Variants in MGAT4C observed in about 807,000 individuals in gnomAD.
MGAT4C encodes the protein MGAT4 family member C, also known as alpha-1,3-mannosyl-glycoprotein 4-beta-N-acetylglucosaminyltransferase C.
In MGAT4C, 19 loss-of-function variants were observed where a neutral mutation model predicts 40.1. The observed-to-expected ratio is 0.47, with a 90% CI of 0.33 to 0.70. MGAT4C has a LOEUF of 0.70. Among genes scored for constraint, MGAT4C ranks in the 30% least tolerant of loss-of-function variants. The pLI is 0.02. For missense variants in MGAT4C, 491 were observed against 563.2 expected (o/e 0.87, Z 1.30); for synonymous variants, 181 against 187.1 (o/e 0.97, Z 0.27).
At chr12:86,683,694 AACTC>A (rs1950022765) in intron 2 of MGAT4C, among the ~76,000 whole-genome samples, 1 of 152,134 alleles carries the variant, frequency 6.6e-6, no homozygotes, top group Non-Finnish European at 1.5e-5. Flanking sequence ...TTCTTTAGTT[AACTC>A]ACTCTCCCAA....
chr12:86,160,641 T>C (rs1885493136), intron 1 of MGAT4C, among the ~76,000 whole-genome samples: 1 of 152,038 alleles, frequency 6.6e-6, no homozygotes, highest in South Asian at 2.1e-4. Context: ...TAGTTTTCTG[T>C]CTCAATGATC....
chr12:86,713,114 AC>A (rs1950587672), intron 2 of MGAT4C, among the ~76,000 whole-genome samples: 6 of 152,114 alleles, frequency 3.9e-5, no homozygotes, highest in Non-Finnish European at 8.8e-5. Context: ...ACACACACAC[AC>A]ACACCATGCT....
chr12:86,101,022 T>A (rs1003883517), intron 1 of MGAT4C, among the ~76,000 whole-genome samples: 23 of 151,782 alleles, frequency 1.5e-4, no homozygotes, highest in Admixed American at 1.1e-3. Context: ...GTATTTTTCC[T>A]ATTTTTTTTC....
chr12:86,661,418 CA>C (rs1963976915), intron 2 of MGAT4C, among the ~76,000 whole-genome samples: 1 of 151,642 alleles, frequency 6.6e-6, no homozygotes, highest in African/African-American at 2.4e-5. Flanking sequence ...GTAAAAAAAT[CA>C]TCTTAATGTC....
intron 1 of MGAT4C, among the ~76,000 whole-genome samples, chr12:86,813,310 T>C (rs557357160): frequency 6.6e-6 from 1 of 152,176 alleles, no homozygotes; most frequent in Admixed American, 6.6e-5. Flanking sequence ...CAAGAATCTT[T>C]CCCTACACTG....
intron 1 of MGAT4C, among the ~76,000 whole-genome samples, chr12:86,074,537 G>T (rs1869285155): frequency 6.6e-6 from 1 of 152,094 alleles, no homozygotes; most frequent in South Asian, 2.1e-4. Flanking sequence ...ACTCTTCTAT[G>T]TCTCTTACAG....
chr12:86,436,754 T>C (rs545248509), intron 2 of MGAT4C, among the ~76,000 whole-genome samples: 9 of 151,880 alleles, frequency 5.9e-5, no homozygotes, highest in African/African-American at 1.9e-4. Context: ...GTGATTTCAA[T>C]TGGAGAATAG....
chr12:86,170,662 G>T (rs1289312599), intron 1 of MGAT4C, among the ~76,000 whole-genome samples: 1 of 152,028 alleles, frequency 6.6e-6, no homozygotes, highest in Non-Finnish European at 1.5e-5. Context: ...GTTTAATAAT[G>T]GTTATATAGG....
At position 86,109,864 on chromosome 12, in the gene MGAT4C, G is replaced by T. The variant is rs1298348674; in HGVS notation, c.-56-60141C>A. Among the ~76,000 whole-genome samples, 7 of 151,950 alleles carry T rather than the reference G, an allele frequency of 4.6e-5. No homozygotes were observed. The South Asian group carries it at 1.5e-3, about 32-fold the overall frequency. ...TTAATCCATTACAAGAGAACTGAGTGGTACTGAGGAAAGAGACAGGACCTC... is the reference window on the plus strand; with the variant it reads ...TTAATCCATTACAAGAGAACTGAGTTGTACTGAGGAAAGAGACAGGACCTC... On this transcript the variant is annotated intron_variant, in intron 1 of 4. Transcript: ENST00000611864.
chr12:86,267,068 T>C (rs79807854), intron 4 of MGAT4C, among the ~76,000 whole-genome samples: 2,948 of 152,246 alleles, frequency 0.019, 80 homozygotes, highest in African/African-American at 0.067. Flanking sequence ...AGTTTTGTTT[T>C]ATCTTTTGTA....
chr12:86,322,857 T>A (rs561949602), intron 4 of MGAT4C, among the ~76,000 whole-genome samples: 1 of 152,230 alleles, frequency 6.6e-6, no homozygotes, highest in East Asian at 1.9e-4. Flanking sequence ...AAATATCAGT[T>A]TTAAATTTAT....
rs1247998275 is a variant in MGAT4C at position 85,975,743 on chromosome 12, C to T, written c.*3546G>A. The T allele has an allele frequency of 6.6e-6, 1 of 150,748 alleles. No homozygotes were observed. The highest frequency in any genetic ancestry group is 1.5e-5 in the Non-Finnish European group (1 of 67,044). The allele number at this position is 150,748 out of a possible 1,614,324, so 9.3% of individuals were successfully genotyped here. On this transcript the variant is annotated 3_prime_UTR_variant, in exon 5 of 5. Coordinates refer to ENST00000611864, the MANE Select transcript of MGAT4C (RefSeq NM_001351288.2). Reference sequence around the variant, plus strand: ...AATTAATATTAAATCTTACAAGAAACCCCCCAAAATCAGTTGAATTTGTAC... The same window carrying T: ...AATTAATATTAAATCTTACAAGAAATCCCCCAAAATCAGTTGAATTTGTAC...
chr12:86,636,094 A>T (rs990880595), intron 2 of MGAT4C, among the ~76,000 whole-genome samples: 1 of 152,018 alleles, frequency 6.6e-6, no homozygotes, highest in African/African-American at 2.4e-5. Context: ...TAGGAGCAAT[A>T]GGCTAAACCA....
At chr12:86,259,750 C>A (rs2136093882), upstream of MGAT4C, among the ~76,000 whole-genome samples, 1 of 5,452 alleles carries the variant, frequency 1.8e-4, no homozygotes, top group Non-Finnish European at 3.0e-4. Context: ...ACTCTATAGA[C>A]ATCAATTTAA....
chr12:86,042,215 A>G (rs2136941604), intron 2 of MGAT4C, among the ~76,000 whole-genome samples: 1 of 152,286 alleles, frequency 6.6e-6, no homozygotes, highest in Admixed American at 6.5e-5. Context: ...TGTATGAGAG[A>G]TGAGTTTCTT....
intron 2 of MGAT4C, among the ~76,000 whole-genome samples, chr12:86,494,318 T>C (rs1212376523): frequency 6.6e-6 from 1 of 151,946 alleles, no homozygotes; most frequent in Non-Finnish European, 1.5e-5. Context: ...CCCTCTAAAA[T>C]TGTTCAAATT....
intron 2 of MGAT4C, among the ~76,000 whole-genome samples, chr12:86,682,051 G>T (rs1474476461): frequency 2.0e-5 from 3 of 151,994 alleles, no homozygotes; most frequent in Non-Finnish European, 1.5e-5. Flanking sequence ...CCAGTGGATT[G>T]TGAACAGATT....
At chr12:86,768,786 C>A (rs1319585890) in intron 1 of MGAT4C, among the ~76,000 whole-genome samples, 22 of 150,152 alleles carry the variant, frequency 1.5e-4, no homozygotes, top group Middle Eastern at 3.4e-3. Flanking sequence ...CCTATTTAAT[C>A]AATGGTGCTG....
intron 2 of MGAT4C, among the ~76,000 whole-genome samples, chr12:86,543,289 A>T (rs755491083): frequency 2.6e-5 from 4 of 151,376 alleles, no homozygotes; most frequent in Non-Finnish European, 5.9e-5. Context: ...TATAATAATC[A>T]TATATTATTA....
Sources: gnomAD v4.1 joint callset for allele counts (sites outside exome capture counted in the v4.1 genomes callset) on GRCh38, gnomAD v4.1.1 for gene constraint, MANE v1.5 for transcripts, NCBI Gene and HGNC (gene_info 2026-07-23, HGNC 2026-07-21) for gene names.